The following RNMT variants were observed in gnomAD, a reference collection of about 807,000 sequenced individuals.
RNMT encodes the protein RNA guanine-7 methyltransferase, also known as mRNA cap guanine-N(7) methyltransferase.
A neutral mutation model predicts 56.0 loss-of-function variants in RNMT; 27 were observed. That is an observed-to-expected ratio of 0.48 (90% CI 0.36 to 0.67). The LOEUF is 0.67. RNMT is among the 30% of genes least tolerant of loss of function. The pLI, the probability that RNMT is intolerant of heterozygous loss-of-function variation, is 0.00. For missense variants in RNMT, 519 were observed against 552.1 expected (o/e 0.94, Z 0.60); for synonymous variants, 184 against 176.2 (o/e 1.04, Z -0.35).
rs371130856 is a variant in RNMT at position 13,743,271 on chromosome 18, C to T, written c.1139+619C>T. On this transcript the variant is annotated intron_variant, in intron 8 of 11. Coordinates refer to ENST00000383314, the MANE Select transcript of RNMT (RefSeq NM_003799.3). ...CCGGGAGGCGGAGCTTGCAGTGAGT[C>T]GAGATCGCGCCACTGCGCTCCAGCC... Among the ~76,000 whole-genome samples the T allele has an allele frequency of 5.2e-4, 76 of 146,850 alleles. 1 individual carries two copies. The highest frequency in any genetic ancestry group is 1.4e-3 in the African/African-American group (56 of 39,844).
In RNMT at chr18:13,760,360, G is replaced by T. The variant is rs531508778; in HGVS notation, c.*381G>T. 2 of 1,002,226 alleles carry T rather than the reference G, an allele frequency of 2.0e-6. No homozygotes were observed. Among genetic ancestry groups the T allele is most frequent in the Admixed American group, 1.2e-4 (2 of 17,324 alleles). The allele number at this position is 1,002,226 out of a possible 1,614,324, so 62.1% of individuals were successfully genotyped here. A position where few individuals can be genotyped will look rare whatever the true frequency, so the allele number is the denominator to read the frequency against. ...TTTATTGCAGTTATAGAATTGGTCAGAGAGCATTTTCATAGTGTGCTCATT... is the reference window on the plus strand; with the variant it reads ...TTTATTGCAGTTATAGAATTGGTCATAGAGCATTTTCATAGTGTGCTCATT... On this transcript the variant is annotated 3_prime_UTR_variant, in exon 12 of 12. Coordinates refer to ENST00000383314, the MANE Select transcript of RNMT (RefSeq NM_003799.3).
intron 3 of RNMT, among the ~76,000 whole-genome samples, chr18:13,732,762 T>TA (rs142277511): frequency 1.7e-4 from 17 of 98,684 alleles, no homozygotes; most frequent in East Asian, 9.9e-4. Context: ...TTTTTTTTTT[T>TA]GGAGACAGAG....
intron 2 of RNMT, among the ~76,000 whole-genome samples, chr18:13,731,235 C>T (rs896063170): frequency 2.0e-5 from 3 of 152,076 alleles, no homozygotes; most frequent in African/African-American, 7.2e-5. Context: ...GGGGAAATCG[C>T]GTCTCAGCTA....
At chr18:13,742,957 T>A (rs1405536665) in intron 8 of RNMT, 1 of 198,198 alleles carries the variant, frequency 5.0e-6, no homozygotes, top group Non-Finnish European at 1.0e-5. Flanking sequence ...TGCCTGACAC[T>A]GCAAATAGCA....
At position 13,761,667 on chromosome 18, in the gene RNMT, G is replaced by A. The variant is rs2044621607; in HGVS notation, c.*1688G>A. On this transcript the variant is annotated 3_prime_UTR_variant, in exon 12 of 12. Coordinates refer to ENST00000383314, the MANE Select transcript of RNMT (RefSeq NM_003799.3). ...GAGTTACTAAGGCCTTCAGTGAACA[G>A]AAAGGAGCAGAGAGCAAGATTAGAT... 3 of 1,025,562 alleles carry A rather than the reference G, an allele frequency of 2.9e-6. No individual in the cohort carries two copies. The highest frequency in any genetic ancestry group is 3.5e-5 in the African/African-American group (2 of 57,836). 63.5% of individuals were successfully genotyped at this position (1,025,562 alleles called of 1,614,324 possible).
At chr18:13,742,045 G>A (rs773134437) in intron 7 of RNMT, among the ~76,000 whole-genome samples, 18 of 152,184 alleles carry the variant, frequency 1.2e-4, no homozygotes, top group Non-Finnish European at 2.4e-4. Flanking sequence ...CTTCTTAAAA[G>A]TAGCTCAAAT....
At chr18:13,731,377 C>T (rs974666734) in intron 2 of RNMT, 99 bp from the exon 3 acceptor site, 6 of 595,486 alleles carry the variant, frequency 1.0e-5, no homozygotes, top group Non-Finnish European at 1.7e-5. Context: ...CATTGCACTC[C>T]AGCCTGGGCG....
Position 13,739,159 on chromosome 18 carries a change from G to A in RNMT, c.680-1008G>A, listed in dbSNP as rs536386783. ...TCAAAATAATTTTCTCAGAAAAAAA[G>A]TGGCCAGTACAGCTCAAAACTCAGA... On this transcript the variant is annotated intron_variant, in intron 5 of 11. Transcript: ENST00000383314. Among the ~76,000 whole-genome samples, 7 of 152,296 alleles carry A rather than the reference G, an allele frequency of 4.6e-5. No individual in the cohort carries two copies. The South Asian group carries it at 1.2e-3, about 27-fold the overall frequency.
At chr18:13,727,458 T>TC (rs2043979204) in intron 1 of RNMT, among the ~76,000 whole-genome samples, 1 of 152,314 alleles carries the variant, frequency 6.6e-6, no homozygotes, top group African/African-American at 2.4e-5. Context: ...GGGTTTTTTT[T>TC]CCCCCAATTT....
chr18:13,760,659 T>C lies in RNMT; in HGVS notation c.*680T>C. On this transcript the variant is annotated 3_prime_UTR_variant, in exon 12 of 12. Coordinates refer to ENST00000383314, the MANE Select transcript of RNMT (RefSeq NM_003799.3). ...AAATTGCTACCATAGTAATTAATGT[T>C]TCCAGTTATCAAGATTGTGATTAGA... 1.0e-6 allele frequency: 1 copy of C among 985,206 alleles called. No homozygotes were observed. Among genetic ancestry groups the C allele is most frequent in the South Asian group, 4.7e-5 (1 of 21,280 alleles). The allele number at this position is 985,206 out of a possible 1,614,324, so 61.0% of individuals were successfully genotyped here.
intron 3 of RNMT, among the ~76,000 whole-genome samples, chr18:13,733,736 G>A (rs1232869648): frequency 6.6e-6 from 1 of 152,122 alleles, no homozygotes; most frequent in African/African-American, 2.4e-5. Flanking sequence ...TAATAATAAT[G>A]TAATTATAGC....
chr18:13,752,764 C>A (rs1480421643), intron 10 of RNMT, among the ~76,000 whole-genome samples: 1 of 152,224 alleles, frequency 6.6e-6, no homozygotes, highest in Non-Finnish European at 1.5e-5. Flanking sequence ...GAAAAAATTA[C>A]ATCTTCACCT....
chr18:13,743,329 A>AAAATAAATAAAT (rs149097059), intron 8 of RNMT, among the ~76,000 whole-genome samples: 1 of 31,830 alleles, frequency 3.1e-5, no homozygotes, highest in Non-Finnish European at 6.8e-5. Flanking sequence ...TCTCAAAAAA[A>AAAATAAATAAAT]AAATAAATAA....
At chr18:13,739,472 T>G (rs2044217182) in intron 5 of RNMT, among the ~76,000 whole-genome samples, 1 of 152,146 alleles carries the variant, frequency 6.6e-6, no homozygotes, top group Non-Finnish European at 1.5e-5. Context: ...GCATTATCAG[T>G]GTGAATCTTT....
intron 11 of RNMT, among the ~76,000 whole-genome samples, chr18:13,755,767 C>G (rs2044532077): frequency 6.6e-6 from 1 of 152,176 alleles, no homozygotes; most frequent in Non-Finnish European, 1.5e-5. Flanking sequence ...AGACTGGTTG[C>G]CTGTCTTAGA....
chr18:13,756,121 A>G (rs375026952), intron 11 of RNMT, among the ~76,000 whole-genome samples: 55 of 152,218 alleles, frequency 3.6e-4, no homozygotes, highest in African/African-American at 1.3e-3. Flanking sequence ...TGGTCTGATC[A>G]TTAAGCTATC....
At chr18:13,754,526 G>GT (rs1362429165) in intron 11 of RNMT, among the ~76,000 whole-genome samples, 7 of 152,068 alleles carry the variant, frequency 4.6e-5, no homozygotes, top group Admixed American at 4.6e-4. Flanking sequence ...AAAACTTTGA[G>GT]TTTTTCTGAC....
chr18:13,744,159 CT>C (rs201093998), intron 8 of RNMT, among the ~76,000 whole-genome samples: 1,842 of 90,874 alleles, frequency 0.02, 17 homozygotes, highest in Middle Eastern at 0.038. Flanking sequence ...TAGCGGTCTT[CT>C]TTTTTTTTTT....
Position 13,740,288 on chromosome 18 carries a change from T to G in RNMT, c.792+9T>G. 2 of 1,327,778 alleles carry G rather than the reference T, an allele frequency of 1.5e-6. No individual in the cohort carries two copies. Among genetic ancestry groups the G allele is most frequent in the Non-Finnish European group, 2.1e-6 (2 of 932,496 alleles). 82.2% of individuals were successfully genotyped at this position (1,327,778 alleles called of 1,614,324 possible). ...CTGCTGACAGCTCAAAGGTACAGTT[T>G]CTTTCTTTGGTCAATTTATTTTTTA... On this transcript the variant is annotated intron_variant, in intron 6 of 11. Transcript: ENST00000383314.
Sources: gnomAD v4.1 joint callset for allele counts (sites outside exome capture counted in the v4.1 genomes callset) on GRCh38, gnomAD v4.1.1 for gene constraint, MANE v1.5 for transcripts, NCBI Gene and HGNC (gene_info 2026-07-23, HGNC 2026-07-21) for gene names.